ANK2: variants seen among roughly 807,000 people sequenced by gnomAD.
The protein encoded by ANK2 is ankyrin-2.
In ANK2, 83 loss-of-function variants were observed where a neutral mutation model predicts 360.5. The ratio of observed to expected loss-of-function variants is 0.23; its 90% confidence interval spans 0.19 to 0.28. ANK2 has a LOEUF of 0.28. Among genes scored for constraint, ANK2 ranks in the 10% least tolerant of loss-of-function variants. The pLI, the probability that ANK2 is intolerant of heterozygous loss-of-function variation, is 1.00. For missense variants in ANK2, 4,201 were observed against 4,795.7 expected (o/e 0.88, Z 3.66); for synonymous variants, 1,740 against 1,759.5 (o/e 0.99, Z 0.28).
chr4:112,804,027 T>C, the ANK2 span, among the ~76,000 whole-genome samples: 1 of 151,274 alleles, frequency 6.6e-6, no homozygotes, highest in African/African-American at 2.5e-5. Context: ...TTTTTTTTTT[T>C]TCTTTTTTTG....
At chr4:113,258,233 A>G (rs2050583955) in intron 12 of ANK2, 80 bp from the exon 13 acceptor site, 1 of 1,576,016 alleles carries the variant, frequency 6.3e-7, no homozygotes, top group Non-Finnish European at 8.7e-7. Context: ...TGTCCTCTTC[A>G]CTCAAGTTTT....
At chr4:113,209,662 T>A (rs1014611176) in intron 4 of ANK2, among the ~76,000 whole-genome samples, 1 of 151,936 alleles carries the variant, frequency 6.6e-6, no homozygotes, top group African/African-American at 2.4e-5. Context: ...GTAAAGATTT[T>A]TAAAGGCGGG....
chr4:113,077,258 A>G (rs1162790835), intron 1 of ANK2, among the ~76,000 whole-genome samples: 1 of 152,164 alleles, frequency 6.6e-6, no homozygotes, highest in Admixed American at 6.5e-5. Flanking sequence ...AATAAGATTT[A>G]AAAAGTTAAT....
chr4:112,860,416 G>A (rs932991868), intron 1 of ANK2, among the ~76,000 whole-genome samples: 3 of 151,878 alleles, frequency 2.0e-5, no homozygotes, highest in East Asian at 1.9e-4. Flanking sequence ...TAGTGAAGAC[G>A]GGGTTTCACC....
At chr4:113,075,245 A>T (rs1315216527) in intron 1 of ANK2, among the ~76,000 whole-genome samples, 1 of 152,244 alleles carries the variant, frequency 6.6e-6, no homozygotes, top group Non-Finnish European at 1.5e-5. Flanking sequence ...TATGACTGTG[A>T]ACGATGAATA....
At chr4:112,759,336 G>A in the ANK2 span, among the ~76,000 whole-genome samples, 1 of 152,044 alleles carries the variant, frequency 6.6e-6, no homozygotes, top group Non-Finnish European at 1.5e-5. Context: ...GTAGAGAGAA[G>A]GTGTCGCTTC....
chr4:113,039,482 T>G (rs1258714128), intron 2 of ANK2, among the ~76,000 whole-genome samples: 3 of 152,044 alleles, frequency 2.0e-5, no homozygotes, highest in African/African-American at 4.8e-5. Flanking sequence ...TCTCTACTTG[T>G]AATGCCTGAA....
At position 113,075,772 on chromosome 4, in the gene ANK2, G is replaced by A. The variant is rs181710669; in HGVS notation, c.84+25960G>A. On this transcript the variant is annotated intron_variant, in intron 1 of 45. Coordinates refer to ENST00000357077, the MANE Select transcript of ANK2 (RefSeq NM_001148.6). ...AGTGCTTCTGACCTAAGAAACGGCA[G>A]CCTATCAACAAATAATTATTAAAAC... 5.3e-5 allele frequency among the ~76,000 whole-genome samples: 8 copies of A among 152,352 alleles called. No homozygotes were observed. In the East Asian group the frequency reaches 1.5e-3, roughly 29 times the overall value.
At chr4:113,282,091 T>G (rs29376) in intron 17 of ANK2, among the ~76,000 whole-genome samples, 4,848 of 152,262 alleles carry the variant, frequency 0.032, 209 homozygotes, top group East Asian at 0.2. Flanking sequence ...AGAAGCATAT[T>G]AGTTGGAGTA....
At chr4:112,778,797 T>C in the ANK2 span, among the ~76,000 whole-genome samples, 1 of 152,190 alleles carries the variant, frequency 6.6e-6, no homozygotes, top group Admixed American at 6.5e-5. Context: ...CAGTACACCA[T>C]TGGCTGCAAC....
At chr4:113,201,942 C>G (rs2098835964) in intron 4 of ANK2, among the ~76,000 whole-genome samples, 1 of 152,048 alleles carries the variant, frequency 6.6e-6, no homozygotes. Flanking sequence ...ACTATTAGGT[C>G]AATTTAAGAT....
At chr4:113,378,103 C>A in intron 45 of ANK2, 2 of 1,267,560 alleles carry the variant, frequency 1.6e-6, no homozygotes, top group Non-Finnish European at 2.1e-6. Context: ...TTGAGTTACA[C>A]AGGTAGCCAC....
chr4:112,911,811 T>C (rs2087558694), intron 2 of ANK2, among the ~76,000 whole-genome samples: 1 of 152,256 alleles, frequency 6.6e-6, no homozygotes, highest in South Asian at 2.1e-4. Flanking sequence ...TTTAAGTTTT[T>C]AAAGTGAGTT....
chr4:113,269,174 C>T (rs1403042744), intron 14 of ANK2, among the ~76,000 whole-genome samples: 1 of 152,158 alleles, frequency 6.6e-6, no homozygotes, highest in Non-Finnish European at 1.5e-5. Flanking sequence ...GTGCTGGCAG[C>T]GAGAATTTCA....
intron 1 of ANK2, among the ~76,000 whole-genome samples, chr4:112,861,032 G>T (rs754004978): frequency 2.6e-4 from 39 of 152,180 alleles, no homozygotes; most frequent in Non-Finnish European, 4.7e-4. Context: ...ATAAATCTTA[G>T]AAGAACTATG....
intron 2 of ANK2, among the ~76,000 whole-genome samples, chr4:113,028,389 T>C (rs1427012721): frequency 6.6e-6 from 1 of 152,178 alleles, no homozygotes; most frequent in African/African-American, 2.4e-5. Flanking sequence ...ACACTTGTTA[T>C]CTCTCGTTCA....
rs1456805211 is a variant in ANK2, at chr4:112,867,580, G to A, written c.-39-36875G>A. 5.3e-5 allele frequency among the ~76,000 whole-genome samples: 8 copies of A among 151,188 alleles called. No individual in the cohort carries two copies. The South Asian group carries it at 1.5e-3, about 28-fold the overall frequency. On this transcript the variant is annotated intron_variant, in intron 1 of 30. Transcript: ENST00000503271. ...TTTCCCCCCTACTCCCTCATCCCTG[G>A]CAATCATTAATATACTCTTTGCTTC... is the stretch of plus-strand genomic sequence containing the variant.
At chr4:112,719,455 A>G in the ANK2 span, among the ~76,000 whole-genome samples, 1 of 152,116 alleles carries the variant, frequency 6.6e-6, no homozygotes, top group Non-Finnish European at 1.5e-5. Context: ...TCGGCCGGGC[A>G]CGGTGGCTCA....
rs182424466 is a variant in ANK2 at position 112,837,500 on chromosome 4, A to G, written c.-40+19236A>G. Among the ~76,000 whole-genome samples the G allele has an allele frequency of 5.3e-5, 8 of 152,342 alleles. No individual in the cohort carries two copies. In the East Asian group the frequency reaches 1.4e-3, roughly 26 times the overall value. ...GTGAAGCTGTGAGAAGAGGGCCACCATCCTCCAGACCCAAGAATGGTAGAT... is the reference window on the plus strand; with the variant it reads ...GTGAAGCTGTGAGAAGAGGGCCACCGTCCTCCAGACCCAAGAATGGTAGAT... On this transcript the variant is annotated intron_variant, in intron 1 of 30. Transcript: ENST00000503271.
Sources: allele counts gnomAD v4.1 joint callset (sites outside exome capture counted in the v4.1 genomes callset), GRCh38; gene constraint gnomAD v4.1.1; transcripts MANE v1.5; gene names NCBI Gene and HGNC (gene_info 2026-07-23, HGNC 2026-07-21).